The following CTNND2 variants were observed in gnomAD, a reference collection of about 807,000 sequenced individuals.
CTNND2 encodes catenin delta-2.
CTNND2 carries 22 observed loss-of-function variants against 144.4 expected under a neutral mutation model. That is an observed-to-expected ratio of 0.15 (90% CI 0.11 to 0.22). The LOEUF is 0.22. Among genes scored for constraint, CTNND2 ranks in the 10% least tolerant of loss-of-function variants. The pLI is 1.00. For synonymous variants in CTNND2, 751 were observed against 695.6 expected (o/e 1.08, Z -1.25); for missense variants, 1,353 against 1,618.8 (o/e 0.84, Z 2.82).
At chr5:11,274,579 G>A (rs1311434) in intron 9 of CTNND2, among the ~76,000 whole-genome samples, 34,148 of 144,316 alleles carry the variant, frequency 0.24, 3,882 homozygotes, top group Middle Eastern at 0.34. Context: ...TTTTGCTTTC[G>A]TTTTTTTTTT....
chr5:11,536,714 G>C (rs548782543), intron 3 of CTNND2, among the ~76,000 whole-genome samples: 1 of 151,886 alleles, frequency 6.6e-6, no homozygotes, highest in Non-Finnish European at 1.5e-5. Context: ...TTGGACTTTG[G>C]GGACTCAGAA....
At chr5:11,172,558 G>A (rs139322134) in intron 11 of CTNND2, among the ~76,000 whole-genome samples, 118 of 152,332 alleles carry the variant, frequency 7.7e-4, no homozygotes, top group African/African-American at 2.5e-3. Flanking sequence ...CCTCTGCAGA[G>A]CTGGGAAGAC....
chr5:11,441,062 A>G (rs983206022), intron 3 of CTNND2, among the ~76,000 whole-genome samples: 6 of 152,206 alleles, frequency 3.9e-5, no homozygotes, highest in African/African-American at 1.4e-4. Flanking sequence ...CTGAAAACAT[A>G]ATGTATTATC....
At chr5:11,334,404 T>G (rs1268194942) in intron 9 of CTNND2, among the ~76,000 whole-genome samples, 1 of 152,204 alleles carries the variant, frequency 6.6e-6, no homozygotes, top group Non-Finnish European at 1.5e-5. Context: ...CATTGTGGGT[T>G]TCTAAGTCAG....
chr5:11,763,117 C>G (rs755885791), intron 1 of CTNND2, among the ~76,000 whole-genome samples: 28 of 152,124 alleles, frequency 1.8e-4, no homozygotes, highest in Non-Finnish European at 2.2e-4. Context: ...TCTCTCTCTC[C>G]TGCTGGCCAT....
chr5:11,489,599 T>C (rs1769194279), intron 3 of CTNND2, among the ~76,000 whole-genome samples: 1 of 152,154 alleles, frequency 6.6e-6, no homozygotes, highest in Admixed American at 6.5e-5. Flanking sequence ...GAAAGCAGAA[T>C]GGGTTGGGAG....
chr5:11,524,396 C>T (rs940838494), intron 3 of CTNND2, among the ~76,000 whole-genome samples: 2 of 152,156 alleles, frequency 1.3e-5, no homozygotes. Context: ...TGTTCTTTGG[C>T]TAATGGAATT....
chr5:11,444,617 G>A (rs558924713), intron 3 of CTNND2, among the ~76,000 whole-genome samples: 15 of 152,246 alleles, frequency 9.9e-5, no homozygotes, highest in Non-Finnish European at 1.6e-4. Flanking sequence ...CACAAGAATT[G>A]CTTGAACCCA....
chr5:11,470,611 T>C lies in CTNND2; in HGVS notation c.288-58542A>G, dbSNP rs115158309. Among the ~76,000 whole-genome samples the C allele has an allele frequency of 3.0e-3, 454 of 152,270 alleles. 5 individuals carry two copies. The highest frequency in any genetic ancestry group is 0.011 in the African/African-American group (441 of 41,540). On this transcript the variant is annotated intron_variant, in intron 3 of 21. Coordinates refer to ENST00000304623, the MANE Select transcript of CTNND2 (RefSeq NM_001332.4). ...TAGATTTCCTTCATTTGTAATCTAA[T>C]GTCCTTTTTCTGTCCCACGACCCCC...
At chr5:11,692,733 C>G (rs930465003) in intron 2 of CTNND2, among the ~76,000 whole-genome samples, 2 of 152,248 alleles carry the variant, frequency 1.3e-5, no homozygotes, top group Non-Finnish European at 2.9e-5. Flanking sequence ...TCCTGAGTAG[C>G]TGCAATTTCA....
At chr5:11,597,182 G>C (rs1779551228) in intron 2 of CTNND2, among the ~76,000 whole-genome samples, 2 of 152,204 alleles carry the variant, frequency 1.3e-5, no homozygotes, top group Non-Finnish European at 2.9e-5. Context: ...AGACTTTTCT[G>C]TAAGACTTGT....
At chr5:11,495,556 G>C (rs1482810317) in intron 3 of CTNND2, among the ~76,000 whole-genome samples, 1 of 152,126 alleles carries the variant, frequency 6.6e-6, no homozygotes, top group Admixed American at 6.6e-5. Context: ...AACTGCCCTT[G>C]AGTCCAGATA....
At chr5:11,569,982 G>A (rs1777432116) in intron 2 of CTNND2, among the ~76,000 whole-genome samples, 1 of 152,128 alleles carries the variant, frequency 6.6e-6, no homozygotes, top group Middle Eastern at 3.2e-3. Flanking sequence ...ATGGTATTTG[G>A]TTATAGCAAC....
intron 1 of CTNND2, among the ~76,000 whole-genome samples, chr5:11,798,809 A>G (rs139934941): frequency 1.3e-5 from 2 of 152,340 alleles, no homozygotes; most frequent in African/African-American, 4.8e-5. Context: ...TTATCTCCAT[A>G]TAACAAGTAT....
At chr5:11,392,484 G>C (rs935004006) in intron 6 of CTNND2, among the ~76,000 whole-genome samples, 1 of 152,138 alleles carries the variant, frequency 6.6e-6, no homozygotes, top group Non-Finnish European at 1.5e-5. Context: ...TCAGCAAGAG[G>C]CTCATTTAAT....
intron 9 of CTNND2, among the ~76,000 whole-genome samples, chr5:11,311,633 A>G (rs1444820876): frequency 1.4e-5 from 2 of 143,612 alleles, no homozygotes; most frequent in African/African-American, 2.6e-5. Context: ...CTCACCCCAC[A>G]TGCACTCACA....
intron 5 of CTNND2, 82 bp downstream of exon 5, chr5:11,411,454 C>A: frequency 1.3e-6 from 1 of 747,630 alleles, no homozygotes; most frequent in Non-Finnish European, 2.3e-6. Flanking sequence ...TGATATGGCT[C>A]ATAACAGTAA....
At chr5:11,008,698 AG>A (rs542471344) in intron 18 of CTNND2, among the ~76,000 whole-genome samples, 14 of 152,300 alleles carry the variant, frequency 9.2e-5, no homozygotes, top group African/African-American at 2.9e-4. Flanking sequence ...TGGACAAAAT[AG>A]GGTTCTGCAG....
chr5:11,048,984 C>T (rs1373220913), intron 16 of CTNND2, among the ~76,000 whole-genome samples: 1 of 152,242 alleles, frequency 6.6e-6, no homozygotes, highest in African/African-American at 2.4e-5. Flanking sequence ...CAGTAGCACC[C>T]TCCCATCCAC....
Sources: gnomAD v4.1 joint callset for allele counts (sites outside exome capture counted in the v4.1 genomes callset) on GRCh38, gnomAD v4.1.1 for gene constraint, MANE v1.5 for transcripts, NCBI Gene and HGNC (gene_info 2026-07-23, HGNC 2026-07-21) for gene names.